The following ASH1L variants were observed in gnomAD, a reference collection of about 807,000 sequenced individuals.
The protein encoded by ASH1L is histone-lysine N-methyltransferase ASH1L.
In ASH1L, 23 loss-of-function variants were observed where a neutral mutation model predicts 269.0. That is an observed-to-expected ratio of 0.09 (90% CI 0.06 to 0.12). The LOEUF is 0.12. Among genes scored for constraint, ASH1L ranks in the 10% least tolerant of loss-of-function variants. The probability of loss-of-function intolerance (pLI) is 1.00; values close to 1 mark genes in which losing one functional copy is unlikely to be tolerated. For synonymous variants in ASH1L, 1,187 were observed against 1,253.5 expected, an observed-to-expected ratio of 0.95 and a Z score of 1.12; for missense variants, 2,912 against 3,567.8, an observed-to-expected ratio of 0.82 and a Z score of 4.68.
At chr1:155,387,571 C>T in intron 7 of ASH1L, among the ~76,000 whole-genome samples, 1 of 152,104 alleles carries the variant, frequency 6.6e-6, no homozygotes, top group South Asian at 2.1e-4. Context: ...TAGCATGATG[C>T]CTTCAGCTTT....
At position 155,338,340 on chromosome 1, in the gene ASH1L, T is replaced by G. The variant is rs759972382; in HGVS notation, c.8552A>C (p.Gln2851Pro). ...RSKPPLKDLG[Q>P]EDDALPLIEE... The stretch of plus-strand genomic sequence containing the variant: ...AATCAAGGGTAGAGCATCATCCTCC[T>G]GGCCCAAGTCTTTTAGGGGTGGCTT... Residue 2851 changes from glutamine to proline, a missense_variant, in exon 27 of 28, where the codon CAG becomes CCG. Coordinates refer to ENST00000392403, the MANE Select transcript of ASH1L (RefSeq NM_018489.3). 3 of 1,614,122 alleles carry G rather than the reference T, an allele frequency of 1.9e-6. No individual in the cohort carries two copies. Among genetic ancestry groups the G allele is most frequent in the East Asian group, 2.2e-5 (1 of 44,882 alleles).
At chr1:155,510,190 C>T (rs935526359) in intron 2 of ASH1L, among the ~76,000 whole-genome samples, 3 of 151,634 alleles carry the variant, frequency 2.0e-5, no homozygotes, top group African/African-American at 4.8e-5. Context: ...CTGAGGCGGA[C>T]GGATCACAAG....
Position 155,482,469 on chromosome 1 carries a change from A to G in ASH1L, c.421-20T>C. ...AGGGTCCTAAAATTTGAACAAGAAA[A>G]AAGTTAAAGAGGGAGTAAACCTTAC... On this transcript the variant is annotated intron_variant, in intron 2 of 27. Transcript: ENST00000392403. 4 of 1,585,260 alleles carry G rather than the reference A, an allele frequency of 2.5e-6. No individual in the cohort carries two copies. The highest frequency in any genetic ancestry group is 3.4e-6 in the Non-Finnish European group (4 of 1,166,660).
Position 155,438,949 on chromosome 1 carries a change from C to T in ASH1L, c.5206G>A (p.Ala1736Thr). 2 of 1,614,164 alleles carry T rather than the reference C, an allele frequency of 1.2e-6. No individual in the cohort carries two copies. The highest frequency in any genetic ancestry group is 1.7e-6 in the Non-Finnish European group (2 of 1,180,024). Reference sequence around the variant, plus strand: ...GGTGCAGAGGCAGTTGCAATCACAGCATCAATACTTTTCTCCATGGGCTCT... The same window carrying T: ...GGTGCAGAGGCAGTTGCAATCACAGTATCAATACTTTTCTCCATGGGCTCT... ...DQEPMEKSID[A>T]VIATASAPPS... The change falls in exon 5 of 28, where the codon GCT (alanine) becomes ACT (threonine). Residue 1736 changes from alanine (A) to threonine (T), a missense_variant. This residue lies in a region of ASH1L where 789 missense variants were observed against 897.6 expected (regional missense o/e 0.88). Transcript: ENST00000392403.
At chr1:155,469,324 A>G (rs927318653) in intron 3 of ASH1L, among the ~76,000 whole-genome samples, 4 of 152,256 alleles carry the variant, frequency 2.6e-5, no homozygotes, top group Middle Eastern at 3.4e-3. Flanking sequence ...CTGGGATTAT[A>G]GGCATGTGCC....
At chr1:155,422,412 TAATTTTTG>T (rs1253309825) in intron 5 of ASH1L, among the ~76,000 whole-genome samples, 1 of 150,334 alleles carries the variant, frequency 6.7e-6, no homozygotes, top group Non-Finnish European at 1.5e-5. Context: ...CAGGGTCTGC[TAATTTTTG>T]TATTTTTAGT....
intron 5 of ASH1L, among the ~76,000 whole-genome samples, chr1:155,431,691 A>G (rs1036661052): frequency 6.6e-6 from 1 of 152,148 alleles, no homozygotes; most frequent in African/African-American, 2.4e-5. Flanking sequence ...TGAGCCCGGG[A>G]GGTGGAGGTT....
In ASH1L at chr1:155,338,387, T is replaced by A; in HGVS notation, c.8505A>T (p.Ser2835=). Residue 2835 remains serine, a synonymous_variant, in exon 27 of 28, where the codon TCA becomes TCT. Coordinates refer to ENST00000392403, the MANE Select transcript of ASH1L (RefSeq NM_018489.3). ...PDNYKRNGGR[S]SWKSERSKPP... ...GCTTTGAGCGCTCAGACTTCCAGGA[T>A]GATCTGCCAGAAGGATATCTGAATT... 1 of 1,611,520 alleles carries A rather than the reference T, an allele frequency of 6.2e-7. No homozygotes were observed. The highest frequency in any genetic ancestry group is 8.5e-7 in the Non-Finnish European group (1 of 1,178,370).
intron 1 of ASH1L, among the ~76,000 whole-genome samples, chr1:155,526,648 G>C (rs918055211): frequency 1.3e-5 from 2 of 151,978 alleles, no homozygotes; most frequent in Non-Finnish European, 2.9e-5. Context: ...CTTCCTATCT[G>C]ATCACAGCAG....
intron 5 of ASH1L, among the ~76,000 whole-genome samples, chr1:155,426,033 C>T (rs534884235): frequency 9.3e-5 from 14 of 150,832 alleles, no homozygotes; most frequent in African/African-American, 3.2e-4. Flanking sequence ...GGACTACAGG[C>T]GCCTGCCACC....
At chr1:155,489,247 C>T (rs1666576247) in intron 2 of ASH1L, among the ~76,000 whole-genome samples, 1 of 145,712 alleles carries the variant, frequency 6.9e-6, no homozygotes, top group Non-Finnish European at 1.5e-5. Flanking sequence ...CCGAGGAGGG[C>T]AGAACATCAG....
Position 155,514,193 on chromosome 1 carries a change from G to A in ASH1L, c.420+6907C>T, listed in dbSNP as rs540187927. On this transcript the variant is annotated intron_variant, in intron 2 of 27. Coordinates refer to ENST00000392403, the MANE Select transcript of ASH1L (RefSeq NM_018489.3). ...TGTCAGCTGGAAAATGTCAAAAAAA[G>A]ATCCAGAGCTGGTGGGTGGGCATGG... is the stretch of plus-strand genomic sequence containing the variant. 3.9e-5 allele frequency among the ~76,000 whole-genome samples: 6 copies of A among 152,268 alleles called. No homozygotes were observed. In the South Asian group the frequency reaches 1.2e-3, roughly 32 times the overall value.
At chr1:155,496,094 G>A (rs867240053) in intron 2 of ASH1L, among the ~76,000 whole-genome samples, 1 of 151,930 alleles carries the variant, frequency 6.6e-6, no homozygotes. Flanking sequence ...TGACTCTTTT[G>A]TAGTAACAGC....
chr1:155,405,253 G>C (rs971677475), intron 6 of ASH1L, among the ~76,000 whole-genome samples: 1 of 151,852 alleles, frequency 6.6e-6, no homozygotes, highest in Non-Finnish European at 1.5e-5. Context: ...GGCTGAGGGG[G>C]GGGCAGATCA....
intron 19 of ASH1L, among the ~76,000 whole-genome samples, chr1:155,349,051 C>T (rs899420592): frequency 1.3e-5 from 2 of 151,656 alleles, no homozygotes; most frequent in East Asian, 1.9e-4. Context: ...ATCTATATAA[C>T]GCAGTCATAA....
At chr1:155,421,049 C>T (rs1660633622) in intron 5 of ASH1L, among the ~76,000 whole-genome samples, 2 of 150,830 alleles carry the variant, frequency 1.3e-5, no homozygotes, top group East Asian at 4.0e-4. Flanking sequence ...CCAACCGAGG[C>T]AACATAGTCA....
At chr1:155,551,212 T>C (rs1671175025) in intron 1 of ASH1L, among the ~76,000 whole-genome samples, 1 of 151,414 alleles carries the variant, frequency 6.6e-6, no homozygotes, top group African/African-American at 2.5e-5. Flanking sequence ...TCCACTGATA[T>C]CTCAAAGGAC....
In ASH1L at chr1:155,480,348, C is replaced by T; in HGVS notation, c.2522G>A (p.Gly841Glu). The T allele has an allele frequency of 6.2e-7, 1 of 1,613,628 alleles. No homozygotes were observed. Among genetic ancestry groups the T allele is most frequent in the Non-Finnish European group, 8.5e-7 (1 of 1,179,674 alleles). Residue 841 changes from glycine to glutamate, a missense_variant, in exon 3 of 28, where the codon GGG becomes GAG. By Grantham distance (98) the Gly-to-Glu change is moderately conservative (BLOSUM62 -2). Transcript: ENST00000392403. ...GATTTTTAAAGTCCTTTTAGGTGGC[C>T]CTTCCAGTTGAGGCATCTCCTTAGA... ...PKSKEMPQLE[G>E]PPKRTLKIPA...
intron 17 of ASH1L, among the ~76,000 whole-genome samples, chr1:155,350,920 TAA>T (rs71077999): frequency 7.5e-6 from 1 of 134,120 alleles, no homozygotes. Flanking sequence ...GACTCCGTCC[TAA>T]AAAAAAAAAG....
Sources: allele counts gnomAD v4.1 joint callset (sites outside exome capture counted in the v4.1 genomes callset), GRCh38; gene constraint gnomAD v4.1.1; regional missense constraint gnomAD v4.1.1; transcripts MANE v1.5; gene names NCBI Gene and HGNC (gene_info 2026-07-23, HGNC 2026-07-21).